LGSN: variants seen among roughly 807,000 people sequenced by gnomAD.
The protein encoded by LGSN is lengsin.
LGSN carries 21 observed loss-of-function variants against 19.5 expected under a neutral mutation model. The ratio of observed to expected loss-of-function variants is 1.07; its 90% CI spans 0.76 to 1.55. The LOEUF is 1.55. LGSN is among the 40% of genes most tolerant of loss of function. LGSN has a pLI of 0.00. For synonymous variants in LGSN, 257 were observed against 215.6 expected, an observed-to-expected ratio of 1.19 and a Z score of -1.68; for missense variants, 673 against 608.5, an observed-to-expected ratio of 1.11 and a Z score of -1.12.
At chr6:63,314,563 G>T (rs563595231) in intron 1 of LGSN, among the ~76,000 whole-genome samples, 3 of 152,218 alleles carry the variant, frequency 2.0e-5, no homozygotes, top group Admixed American at 2.0e-4. Flanking sequence ...GTGCCTTTCA[G>T]ATGAGATAAC....
At chr6:63,340,838 TTGTGTGTGTG>T in the LGSN span, among the ~76,000 whole-genome samples, 167 of 146,804 alleles carry the variant, frequency 1.1e-3, 1 homozygote, top group African/African-American at 3.8e-3. Flanking sequence ...TTTTTATGGT[TTGTGTGTGTG>T]TGTGTGTGTG....
chr6:63,511,527 A>AT, the LGSN span, among the ~76,000 whole-genome samples: 1 of 152,190 alleles, frequency 6.6e-6, no homozygotes, highest in Non-Finnish European at 1.5e-5. Context: ...AAGTGCTGGG[A>AT]TTACAGGCAT....
At chr6:63,427,088 T>C in the LGSN span, among the ~76,000 whole-genome samples, 72,688 of 149,008 alleles carry the variant, frequency 0.49, 18,613 homozygotes, top group Middle Eastern at 0.54. Context: ...CTGTTCTTGT[T>C]ACCCAGGAGT....
the LGSN span, among the ~76,000 whole-genome samples, chr6:63,545,478 G>A: frequency 1.3e-5 from 2 of 152,108 alleles, no homozygotes. Context: ...GGGCGTGGTG[G>A]CACATGCCTG....
the LGSN span, among the ~76,000 whole-genome samples, chr6:63,387,592 C>G: frequency 6.6e-6 from 1 of 152,048 alleles, no homozygotes; most frequent in African/African-American, 2.4e-5. Flanking sequence ...AATATTTTAT[C>G]ATGGATTAAA....
the LGSN span, among the ~76,000 whole-genome samples, chr6:63,467,717 A>T: frequency 6.6e-6 from 1 of 152,090 alleles, no homozygotes; most frequent in Admixed American, 6.6e-5. Flanking sequence ...TTTGAGACGG[A>T]GTCTCACTCT....
At chr6:63,352,369 A>C in the LGSN span, among the ~76,000 whole-genome samples, 5 of 152,238 alleles carry the variant, frequency 3.3e-5, no homozygotes, top group Non-Finnish European at 7.4e-5. Flanking sequence ...ATAATCTTAA[A>C]AATGTTTTGT....
the LGSN span, among the ~76,000 whole-genome samples, chr6:63,389,888 T>C: frequency 6.6e-6 from 1 of 152,076 alleles, no homozygotes; most frequent in East Asian, 1.9e-4. Flanking sequence ...AGTGCATTAA[T>C]GTACATGCTT....
chr6:63,469,243 T>C, the LGSN span, among the ~76,000 whole-genome samples: 2 of 152,206 alleles, frequency 1.3e-5, no homozygotes, highest in African/African-American at 4.8e-5. Context: ...CTTGGTATGC[T>C]TCAATCTACT....
At chr6:63,551,115 G>A in the LGSN span, among the ~76,000 whole-genome samples, 1 of 152,006 alleles carries the variant, frequency 6.6e-6, no homozygotes, top group African/African-American at 2.4e-5. Flanking sequence ...GCCCAGGCTG[G>A]AGCACAGTTG....
chr6:63,425,414 C>T, the LGSN span, among the ~76,000 whole-genome samples: 3 of 152,108 alleles, frequency 2.0e-5, no homozygotes, highest in African/African-American at 7.2e-5. Context: ...TTGGTAAGTT[C>T]ATGCCATGGA....
the LGSN span, among the ~76,000 whole-genome samples, chr6:63,495,809 A>G: frequency 6.6e-6 from 1 of 151,982 alleles, no homozygotes; most frequent in Admixed American, 6.6e-5. Context: ...AATTTAATAA[A>G]TACTGCATAA....
chr6:63,327,619 C>G, the LGSN span, among the ~76,000 whole-genome samples: 1 of 152,114 alleles, frequency 6.6e-6, no homozygotes, highest in Non-Finnish European at 1.5e-5. Flanking sequence ...TTCTTGCAAA[C>G]TGTCTGAGAG....
At chr6:63,482,419 C>T in the LGSN span, among the ~76,000 whole-genome samples, 1 of 152,172 alleles carries the variant, frequency 6.6e-6, no homozygotes, top group Non-Finnish European at 1.5e-5. Context: ...GGCTGAGGAA[C>T]TTTAGGTACT....
the LGSN span, among the ~76,000 whole-genome samples, chr6:63,379,612 C>G: frequency 3.3e-5 from 5 of 152,128 alleles, no homozygotes; most frequent in Non-Finnish European, 7.3e-5. Flanking sequence ...ACAGCAGGTC[C>G]TCTTTAGCTC....
chr6:63,571,460 T>C, the LGSN span: 1 of 152,232 alleles, frequency 6.6e-6, no homozygotes, highest in Admixed American at 6.5e-5. Flanking sequence ...GGTGCCCTTG[T>C]ATGGCACAGA....
the LGSN span, among the ~76,000 whole-genome samples, chr6:63,447,087 C>T: frequency 2.6e-5 from 4 of 152,204 alleles, no homozygotes; most frequent in East Asian, 7.7e-4. Context: ...ACAAGAATCA[C>T]TTTAGCATTG....
the LGSN span, among the ~76,000 whole-genome samples, chr6:63,526,668 C>T: frequency 4.6e-5 from 7 of 151,252 alleles, no homozygotes; most frequent in Admixed American, 1.3e-4. Flanking sequence ...ATTAGCTGGA[C>T]GTGGTGGCGT....
the LGSN span, among the ~76,000 whole-genome samples, chr6:63,446,585 T>C: frequency 4.6e-5 from 7 of 152,258 alleles, no homozygotes; most frequent in Non-Finnish European, 8.8e-5. Flanking sequence ...ACAATGTTTG[T>C]TGAGTGAATA....
Sources: gnomAD v4.1 joint callset for allele counts (sites outside exome capture counted in the v4.1 genomes callset) on GRCh38, gnomAD v4.1.1 for gene constraint, MANE v1.5 for transcripts, NCBI Gene and HGNC (gene_info 2026-07-23, HGNC 2026-07-21) for gene names.